CNTNAP2: variants seen among roughly 807,000 people sequenced by gnomAD.
CNTNAP2 encodes the protein contactin-associated protein-like 2.
CNTNAP2 carries 98 observed loss-of-function variants against 155.2 expected under a neutral mutation model. The ratio of observed to expected loss-of-function variants is 0.63; its 90% CI spans 0.54 to 0.75. CNTNAP2 has a LOEUF of 0.75. CNTNAP2 is among the 30% of genes least tolerant of loss of function. CNTNAP2 has a pLI of 0.00. For missense variants in CNTNAP2, 1,727 were observed against 1,688.1 expected, an observed-to-expected ratio of 1.02 and a Z score of -0.40; for synonymous variants, 651 against 631.2, an observed-to-expected ratio of 1.03 and a Z score of -0.47.
intron 14 of CNTNAP2, among the ~76,000 whole-genome samples, chr7:147,949,684 G>C (rs1193861172): frequency 1.3e-5 from 2 of 152,092 alleles, no homozygotes; most frequent in African/African-American, 4.8e-5. Flanking sequence ...AAAGGTCAGA[G>C]AGGTTTCGTA....
At position 147,169,625 on chromosome 7, in the gene CNTNAP2, GGGAA is replaced by G. The variant is rs544440536; in HGVS notation, c.1348+37133_1348+37136del. ...AGGACACAATTTCATTAAGGAAGGAGGGAAGGAAGGAAGGAAGGAAAGAAGGAAG... is the reference window on the plus strand; with the variant it reads ...AGGACACAATTTCATTAAGGAAGGAGGGAAGGAAGGAAGGAAAGAAGGAAG... On this transcript the variant is annotated intron_variant, in intron 8 of 23. Transcript: ENST00000361727. Among the ~76,000 whole-genome samples the G allele has an allele frequency of 6.6e-5, 10 of 151,548 alleles. No homozygotes were observed. The East Asian group carries it at 9.7e-4, about 15-fold the overall frequency.
chr7:147,822,744 A>T (rs1375510973), intron 13 of CNTNAP2, among the ~76,000 whole-genome samples: 2 of 152,172 alleles, frequency 1.3e-5, no homozygotes, highest in African/African-American at 4.8e-5. Flanking sequence ...TCAAAGTTGG[A>T]TGCTGATGAT....
At chr7:146,430,881 T>C (rs1168041903) in intron 1 of CNTNAP2, among the ~76,000 whole-genome samples, 3 of 152,072 alleles carry the variant, frequency 2.0e-5, no homozygotes, top group African/African-American at 7.2e-5. Flanking sequence ...ATTAACATAA[T>C]TCCATTAAAA....
intron 13 of CNTNAP2, among the ~76,000 whole-genome samples, chr7:147,734,873 C>T (rs1207341951): frequency 6.6e-6 from 1 of 152,080 alleles, no homozygotes; most frequent in Non-Finnish European, 1.5e-5. Context: ...TCCCCTTTAT[C>T]ATTTTTTATT....
chr7:146,175,739 G>A (rs2116827681), intron 1 of CNTNAP2, among the ~76,000 whole-genome samples: 2 of 152,242 alleles, frequency 1.3e-5, no homozygotes, highest in Middle Eastern at 6.8e-3. Flanking sequence ...GTTTCCATAT[G>A]CACACCCTTT....
chr7:147,449,985 T>C (rs1167494099), intron 10 of CNTNAP2, among the ~76,000 whole-genome samples: 3 of 152,162 alleles, frequency 2.0e-5, no homozygotes. Context: ...TCAATCCCCA[T>C]TCTTCTGTGG....
At chr7:147,770,676 G>A (rs1563082638) in intron 13 of CNTNAP2, among the ~76,000 whole-genome samples, 2 of 151,944 alleles carry the variant, frequency 1.3e-5, no homozygotes, top group Non-Finnish European at 2.9e-5. Context: ...GTTCTCTAGG[G>A]GAAAAAGTAT....
intron 1 of CNTNAP2, among the ~76,000 whole-genome samples, chr7:146,304,042 G>A (rs1237121572): frequency 4.7e-5 from 7 of 149,226 alleles, no homozygotes; most frequent in South Asian, 4.2e-4. Context: ...TGTCTCTTTC[G>A]ATCTTTGTTG....
intron 1 of CNTNAP2, among the ~76,000 whole-genome samples, chr7:146,554,807 G>GT (rs780403247): frequency 6.6e-6 from 1 of 152,322 alleles, no homozygotes; most frequent in East Asian, 1.9e-4. Context: ...GTAAGGCAGC[G>GT]TAAGAGCCAG....
chr7:146,860,113 A>T (rs908158741), intron 3 of CNTNAP2, among the ~76,000 whole-genome samples: 1 of 152,246 alleles, frequency 6.6e-6, no homozygotes, highest in Non-Finnish European at 1.5e-5. Flanking sequence ...ACAAATATTT[A>T]TCAAGTTTAT....
At chr7:147,201,901 C>T (rs915689095) in intron 8 of CNTNAP2, among the ~76,000 whole-genome samples, 2 of 152,062 alleles carry the variant, frequency 1.3e-5, no homozygotes, top group African/African-American at 2.4e-5. Flanking sequence ...AAAACTAATA[C>T]AATATTTTTC....
chr7:148,311,987 A>C lies in CNTNAP2; in HGVS notation c.3475+44861A>C, dbSNP rs192642179. On this transcript the variant is annotated intron_variant, in intron 21 of 23. Coordinates refer to ENST00000361727, the MANE Select transcript of CNTNAP2 (RefSeq NM_014141.6). ...GGGAGATTCAACAAAGAGTGAGTAC[A>C]CCTGAAGGAGCCGGGGAGCAGAAAG... is the stretch of plus-strand genomic sequence containing the variant. Among the ~76,000 whole-genome samples, 58 of 152,312 alleles carry C rather than the reference A, an allele frequency of 3.8e-4. 1 individual carries two copies. In the East Asian group the frequency reaches 0.011, roughly 29 times the overall value.
intron 3 of CNTNAP2, among the ~76,000 whole-genome samples, chr7:146,917,975 G>C (rs1008433627): frequency 2.6e-5 from 4 of 152,042 alleles, no homozygotes; most frequent in Non-Finnish European, 5.9e-5. Context: ...TTTAAAGTTT[G>C]TTTTCTCTGA....
At chr7:146,395,350 G>C (rs1247842912) in intron 1 of CNTNAP2, among the ~76,000 whole-genome samples, 2 of 152,038 alleles carry the variant, frequency 1.3e-5, no homozygotes, top group African/African-American at 4.8e-5. Context: ...ACCAGAAGCA[G>C]AGGGAAGGGG....
chr7:148,250,497 C>T (rs142154144), intron 20 of CNTNAP2, among the ~76,000 whole-genome samples: 66 of 152,316 alleles, frequency 4.3e-4, no homozygotes, highest in African/African-American at 1.5e-3. Flanking sequence ...ATAAACGGAC[C>T]TGTGATGTGA....
intron 1 of CNTNAP2, among the ~76,000 whole-genome samples, chr7:146,123,194 G>A (rs530982215): frequency 3.7e-4 from 57 of 152,214 alleles, no homozygotes; most frequent in Non-Finnish European, 6.8e-4. Context: ...ATACAGAGGA[G>A]CTCCTGGGGG....
intron 1 of CNTNAP2, among the ~76,000 whole-genome samples, chr7:146,388,170 T>G (rs1388995472): frequency 6.6e-6 from 1 of 151,924 alleles, no homozygotes; most frequent in Non-Finnish European, 1.5e-5. Flanking sequence ...AGGTCTCACG[T>G]TGGTAATCCT....
chr7:147,160,556 T>G (rs1802005771), intron 8 of CNTNAP2, among the ~76,000 whole-genome samples: 3 of 152,144 alleles, frequency 2.0e-5, no homozygotes, highest in Admixed American at 2.0e-4. Flanking sequence ...GCAGCTTTAT[T>G]GCATACAATA....
chr7:146,193,921 A>G (rs1798742386), intron 1 of CNTNAP2, among the ~76,000 whole-genome samples: 2 of 152,180 alleles, frequency 1.3e-5, no homozygotes, highest in Non-Finnish European at 2.9e-5. Flanking sequence ...AGTTTCACAA[A>G]TCTCTAGGGC....
Sources: allele counts gnomAD v4.1 joint callset (sites outside exome capture counted in the v4.1 genomes callset), GRCh38; gene constraint gnomAD v4.1.1; transcripts MANE v1.5; gene names NCBI Gene and HGNC (gene_info 2026-07-23, HGNC 2026-07-21).